Variants in FKBP5 observed in about 807,000 individuals in gnomAD.
The protein encoded by FKBP5 is peptidyl-prolyl cis-trans isomerase FKBP5.
FKBP5 carries 23 observed loss-of-function variants against 50.5 expected under a neutral mutation model. The ratio of observed to expected loss-of-function variants is 0.46; its 90% CI spans 0.33 to 0.65. The LOEUF (loss-of-function observed/expected upper bound fraction) is 0.65, where lower values mean the gene tolerates loss of function less well. Among genes scored for constraint, FKBP5 ranks in the 30% least tolerant of loss-of-function variants. FKBP5 has a pLI of 0.02. For synonymous variants in FKBP5, 176 were observed against 190.6 expected (o/e 0.92, Z 0.63); for missense variants, 411 against 553.1 (o/e 0.74, Z 2.58).
At chr6:35,581,776 C>T (rs577837320) in intron 8 of FKBP5, 6 of 985,460 alleles carry the variant, frequency 6.1e-6, no homozygotes, top group Non-Finnish European at 4.8e-6. Context: ...ATACATCCTG[C>T]CAGATGGCAG....
At chr6:35,683,599 G>C (rs930351974) in intron 1 of FKBP5, among the ~76,000 whole-genome samples, 3 of 149,276 alleles carry the variant, frequency 2.0e-5, no homozygotes, top group Admixed American at 1.3e-4. Flanking sequence ...TTGAGTAGTT[G>C]GGACTAAGGG....
intron 1 of FKBP5, among the ~76,000 whole-genome samples, chr6:35,665,433 G>A (rs182500534): frequency 2.6e-5 from 4 of 151,906 alleles, no homozygotes; most frequent in Non-Finnish European, 4.4e-5. Context: ...GACTACAGGC[G>A]CGTGCCACCA....
chr6:35,720,756 C>T (rs1322164237), intron 1 of FKBP5, among the ~76,000 whole-genome samples: 4 of 152,162 alleles, frequency 2.6e-5, no homozygotes, highest in Admixed American at 6.6e-5. Context: ...CTTGGAGCCA[C>T]GATCATCCTG....
chr6:35,582,991 G>A, intron 8 of FKBP5: 1 of 855,936 alleles, frequency 1.2e-6, no homozygotes, highest in East Asian at 1.2e-4. Flanking sequence ...GGAAGCTGAG[G>A]CAGGAGGATC....
At chr6:35,694,624 A>G (rs772178917) in intron 2 of FKBP5, among the ~76,000 whole-genome samples, 20 of 152,120 alleles carry the variant, frequency 1.3e-4, no homozygotes, top group Non-Finnish European at 2.8e-4. Context: ...TCTTAACTCA[A>G]TTTCAGGGCT....
intron 1 of FKBP5, among the ~76,000 whole-genome samples, chr6:35,649,249 T>TTA (rs1764717550): frequency 9.8e-6 from 1 of 102,234 alleles, no homozygotes; most frequent in African/African-American, 4.0e-5. Context: ...AGACTCTGTC[T>TTA]AAAAAAAAAA....
chr6:35,710,610 CAT>C (rs548681465), intron 2 of FKBP5, among the ~76,000 whole-genome samples: 4 of 152,202 alleles, frequency 2.6e-5, no homozygotes, highest in Admixed American at 1.3e-4. Flanking sequence ...TGAAGTTAAG[CAT>C]ACACACATTT....
At chr6:35,712,303 CCAT>C (rs995065145) in intron 2 of FKBP5, among the ~76,000 whole-genome samples, 29 of 152,176 alleles carry the variant, frequency 1.9e-4, no homozygotes, top group African/African-American at 6.7e-4. Context: ...AAGGCCAACT[CCAT>C]CATCTCAACC....
rs180693774 is a variant in FKBP5 at position 35,606,616 on chromosome 6, C to T, written c.509-9212G>A. ...CGGGAGTTGCAGTGAGCCAAGATCGCGCCACTGCACTCCAGCCTGGGCAAC... is the reference window on the plus strand; with the variant it reads ...CGGGAGTTGCAGTGAGCCAAGATCGTGCCACTGCACTCCAGCCTGGGCAAC... On this transcript the variant is annotated intron_variant, in intron 5 of 10. Coordinates refer to ENST00000357266, the MANE Select transcript of FKBP5 (RefSeq NM_004117.4). Among the ~76,000 whole-genome samples, 619 of 118,446 alleles carry T rather than the reference C, an allele frequency of 5.2e-3. 4 individuals are homozygous for T. The highest frequency in any genetic ancestry group is 0.018 in the African/African-American group (569 of 30,956). 77.7% of individuals were successfully genotyped at this position (118,446 alleles called of 152,430 possible). A position where few individuals can be genotyped will look rare whatever the true frequency, so the allele number is the denominator to read the frequency against.
intron 1 of FKBP5, among the ~76,000 whole-genome samples, chr6:35,681,874 A>G (rs1378083732): frequency 6.6e-6 from 1 of 152,186 alleles, no homozygotes; most frequent in African/African-American, 2.4e-5. Flanking sequence ...ATAAGCTTGA[A>G]TAATTCTGAT....
rs1019039052 is a variant in FKBP5, at chr6:35,714,613, T to C, written c.-20+5715A>G. 2.0e-5 allele frequency among the ~76,000 whole-genome samples: 3 copies of C among 151,634 alleles called. No individual in the cohort carries two copies. In the East Asian group the frequency reaches 5.9e-4, roughly 30 times the overall value. On this transcript the variant is annotated intron_variant, in intron 2 of 11. Coordinates refer to the FKBP5 transcript ENST00000536438. The stretch of plus-strand genomic sequence containing the variant: ...GGGCAGATCACCTGAGGTCAGGAGT[T>C]TGAGACCAGCCTGGCCAACATGACA...
chr6:35,681,363 AC>A (rs1477525460), intron 1 of FKBP5, among the ~76,000 whole-genome samples: 3 of 152,162 alleles, frequency 2.0e-5, no homozygotes, highest in Admixed American at 6.5e-5. Flanking sequence ...AATTACCATC[AC>A]CCAAGTCAAG....
At chr6:35,675,482 A>C (rs530041615) in intron 1 of FKBP5, among the ~76,000 whole-genome samples, 220 of 152,342 alleles carry the variant, frequency 1.4e-3, no homozygotes, top group African/African-American at 4.8e-3. Flanking sequence ...AGGCAAGAGA[A>C]TCGCTTGAAC....
intron 1 of FKBP5, among the ~76,000 whole-genome samples, chr6:35,672,436 A>G (rs1041074186): frequency 6.6e-6 from 1 of 151,372 alleles, no homozygotes; most frequent in Non-Finnish European, 1.5e-5. Context: ...AAAAATTAAT[A>G]TTTCAGTAAA....
rs1015280569 is a variant in FKBP5 at position 35,575,442 on chromosome 6, A to T, written c.*393T>A. On this transcript the variant is annotated 3_prime_UTR_variant, in exon 11 of 11. Transcript: ENST00000357266. ...GTAGGAAAGGAGAAATTCATGAAGCATTTTTTTTTTAAAGGTTTCTGCAGT... is the reference window on the plus strand; with the variant it reads ...GTAGGAAAGGAGAAATTCATGAAGCTTTTTTTTTTTAAAGGTTTCTGCAGT... The T allele has an allele frequency of 1.8e-5, 3 of 166,070 alleles. No homozygotes were observed. Among genetic ancestry groups the T allele is most frequent in the Admixed American group, 1.8e-4 (3 of 16,844 alleles). 10.3% of individuals were successfully genotyped at this position (166,070 alleles called of 1,614,324 possible). A position where few individuals can be genotyped will look rare whatever the true frequency, so the allele number is the denominator to read the frequency against.
At chr6:35,656,873 G>A (rs1488966027) in intron 1 of FKBP5, among the ~76,000 whole-genome samples, 2 of 147,908 alleles carry the variant, frequency 1.4e-5, no homozygotes, top group East Asian at 4.0e-4. Flanking sequence ...CTCCAGCCTG[G>A]GGAAACAGCA....
chr6:35,708,520 G>A (rs556804420), intron 2 of FKBP5, among the ~76,000 whole-genome samples: 2 of 152,106 alleles, frequency 1.3e-5, no homozygotes, highest in South Asian at 2.1e-4. Flanking sequence ...CCAAAGTGCT[G>A]GGATTACAAG....
At chr6:35,657,046 C>T (rs1764975012) in intron 1 of FKBP5, among the ~76,000 whole-genome samples, 1 of 101,176 alleles carries the variant, frequency 9.9e-6, no homozygotes, top group Non-Finnish European at 2.1e-5. Flanking sequence ...CCTGTCTCTA[C>T]TAAAAATACA....
At chr6:35,637,760 C>T (rs1268775679) in intron 2 of FKBP5, among the ~76,000 whole-genome samples, 1 of 152,198 alleles carries the variant, frequency 6.6e-6, no homozygotes, top group Non-Finnish European at 1.5e-5. Context: ...CCGCGCCCGA[C>T]ACTAAACTCT....
Sources: gnomAD v4.1 joint callset for allele counts (sites outside exome capture counted in the v4.1 genomes callset) on GRCh38, gnomAD v4.1.1 for gene constraint, MANE v1.5 for transcripts, NCBI Gene and HGNC (gene_info 2026-07-23, HGNC 2026-07-21) for gene names.